Variants in GALNT13 observed in about 807,000 individuals in gnomAD.
The protein encoded by GALNT13 is polypeptide N-acetylgalactosaminyltransferase 13.
Under a neutral mutation model 64.2 loss-of-function variants are expected in GALNT13, and 28 were observed. That is an observed-to-expected ratio of 0.44 (90% CI 0.32 to 0.60). The LOEUF (loss-of-function observed/expected upper bound fraction) is 0.60, where lower values mean the gene tolerates loss of function less well. GALNT13 is among the 20% of genes least tolerant of loss of function. The pLI is 0.05. For synonymous variants in GALNT13, 214 were observed against 224.6 expected (o/e 0.95, Z 0.42); for missense variants, 577 against 669.8 (o/e 0.86, Z 1.53).
the GALNT13 span, among the ~76,000 whole-genome samples, chr2:153,607,363 A>T: frequency 6.6e-6 from 1 of 152,098 alleles, no homozygotes; most frequent in Non-Finnish European, 1.5e-5. Context: ...GTAAAGTCAG[A>T]CACTAAGCTG....
chr2:153,649,467 A>C, the GALNT13 span, among the ~76,000 whole-genome samples: 1 of 146,352 alleles, frequency 6.8e-6, no homozygotes, highest in African/African-American at 2.5e-5. Context: ...TATTTCCTTC[A>C]GTTCTGCTCT....
chr2:153,580,354 A>C, the GALNT13 span, among the ~76,000 whole-genome samples: 1 of 152,144 alleles, frequency 6.6e-6, no homozygotes, highest in Non-Finnish European at 1.5e-5. Flanking sequence ...ACCAAAAAAA[A>C]AAAAGTGATG....
At chr2:153,783,256 A>C in the GALNT13 span, among the ~76,000 whole-genome samples, 1 of 152,216 alleles carries the variant, frequency 6.6e-6, no homozygotes, top group African/African-American at 2.4e-5. Context: ...TTGCAGTTTT[A>C]GTATTATAGT....
the GALNT13 span, among the ~76,000 whole-genome samples, chr2:153,559,783 G>C: frequency 1.6e-4 from 24 of 152,018 alleles, no homozygotes; most frequent in African/African-American, 5.3e-4. Flanking sequence ...ATCTGTACTT[G>C]TTTGCTGTAG....
the GALNT13 span, among the ~76,000 whole-genome samples, chr2:153,605,294 A>G: frequency 2.0e-5 from 3 of 152,188 alleles, no homozygotes; most frequent in African/African-American, 7.2e-5. Context: ...TCTAGACCAA[A>G]ATTAAACTTG....
At chr2:153,654,706 G>A in the GALNT13 span, among the ~76,000 whole-genome samples, 1 of 151,910 alleles carries the variant, frequency 6.6e-6, no homozygotes, top group Non-Finnish European at 1.5e-5. Flanking sequence ...TATTCACATG[G>A]TATTCATTAT....
At chr2:154,040,955 A>G (rs893625729) in intron 3 of GALNT13, among the ~76,000 whole-genome samples, 4 of 139,980 alleles carry the variant, frequency 2.9e-5, no homozygotes, top group African/African-American at 9.8e-5. Flanking sequence ...CTGTTTTTGT[A>G]CAAAGTGTTG....
intron 4 of GALNT13, among the ~76,000 whole-genome samples, chr2:154,147,274 A>C (rs916021266): frequency 2.0e-5 from 3 of 151,728 alleles, no homozygotes; most frequent in Non-Finnish European, 2.9e-5. Flanking sequence ...ATGAAAACTA[A>C]AATATACGGT....
At chr2:153,633,667 G>A in the GALNT13 span, among the ~76,000 whole-genome samples, 28 of 152,132 alleles carry the variant, frequency 1.8e-4, no homozygotes, top group African/African-American at 6.5e-4. Flanking sequence ...TTTCAGGAGT[G>A]GCTAGCTAAG....
At chr2:153,424,357 A>G in the GALNT13 span, among the ~76,000 whole-genome samples, 2 of 151,686 alleles carry the variant, frequency 1.3e-5, no homozygotes, top group African/African-American at 4.8e-5. Context: ...TGAAAAATCA[A>G]TCTGGATATA....
chr2:154,249,360 A>G (rs1171757043), intron 7 of GALNT13, among the ~76,000 whole-genome samples: 2 of 152,166 alleles, frequency 1.3e-5, no homozygotes, highest in African/African-American at 4.8e-5. Flanking sequence ...GATGAGGGAA[A>G]GAGTCTAGTG....
chr2:153,345,018 T>C, the GALNT13 span, among the ~76,000 whole-genome samples: 1 of 152,198 alleles, frequency 6.6e-6, no homozygotes, highest in Non-Finnish European at 1.5e-5. Flanking sequence ...AATCAATACA[T>C]CTGAAAGCAT....
chr2:153,731,704 G>A, the GALNT13 span, among the ~76,000 whole-genome samples: 1 of 151,768 alleles, frequency 6.6e-6, no homozygotes, highest in Non-Finnish European at 1.5e-5. Flanking sequence ...CAAAACTAAG[G>A]TTTCAAGCGA....
At chr2:154,069,192 G>C (rs1309126315) in intron 3 of GALNT13, among the ~76,000 whole-genome samples, 1 of 151,890 alleles carries the variant, frequency 6.6e-6, no homozygotes, top group Non-Finnish European at 1.5e-5. Flanking sequence ...TGCATTTATA[G>C]CAATCTTCAT....
intron 2 of GALNT13, among the ~76,000 whole-genome samples, chr2:153,943,372 C>T (rs1039809088): frequency 6.6e-6 from 1 of 152,128 alleles, no homozygotes; most frequent in Non-Finnish European, 1.5e-5. Flanking sequence ...ACTTTCTCTG[C>T]AGATCAGCTG....
chr2:153,786,278 GAAAGAAC>G, the GALNT13 span, among the ~76,000 whole-genome samples: 1 of 152,040 alleles, frequency 6.6e-6, no homozygotes, highest in Non-Finnish European at 1.5e-5. Flanking sequence ...TTGGGATGGG[GAAAGAAC>G]AAAGAACAAA....
intron 4 of GALNT13, among the ~76,000 whole-genome samples, chr2:154,219,165 A>C (rs1057214758): frequency 6.6e-6 from 1 of 152,132 alleles, no homozygotes; most frequent in African/African-American, 2.4e-5. Flanking sequence ...AATAAGAACT[A>C]TTTTAATAAT....
At chr2:153,464,007 A>G in the GALNT13 span, among the ~76,000 whole-genome samples, 27 of 152,042 alleles carry the variant, frequency 1.8e-4, no homozygotes, top group African/African-American at 5.8e-4. Flanking sequence ...AGTAGACTAG[A>G]CAAACAAGTG....
At chr2:154,121,862 G>A (rs1164656591) in intron 3 of GALNT13, among the ~76,000 whole-genome samples, 1 of 151,212 alleles carries the variant, frequency 6.6e-6, no homozygotes, top group Non-Finnish European at 1.5e-5. Flanking sequence ...TTGCCTTATT[G>A]GTCTGAGATC....
Sources: allele counts gnomAD v4.1 joint callset (sites outside exome capture counted in the v4.1 genomes callset), GRCh38; gene constraint gnomAD v4.1.1; transcripts MANE v1.5; gene names NCBI Gene and HGNC (gene_info 2026-07-23, HGNC 2026-07-21).